EHBP1: variants seen among roughly 807,000 people sequenced by gnomAD.
The protein encoded by EHBP1 is EH domain-binding protein 1.
In EHBP1, 55 loss-of-function variants were observed where a neutral mutation model predicts 144.0. That is an observed-to-expected ratio of 0.38 (90% CI 0.31 to 0.48). The LOEUF (loss-of-function observed/expected upper bound fraction) is 0.48. Ranked by LOEUF, EHBP1 falls within the 20% of genes least tolerant of loss-of-function variation. EHBP1 has a pLI of 0.98. For missense variants in EHBP1, 1,200 were observed against 1,364.2 expected (o/e 0.88, Z 1.90); for synonymous variants, 469 against 472.7 (o/e 0.99, Z 0.10).
At chr2:62,926,437 A>T (rs1361660260) in intron 10 of EHBP1, among the ~76,000 whole-genome samples, 1 of 152,206 alleles carries the variant, frequency 6.6e-6, no homozygotes, top group Non-Finnish European at 1.5e-5. Context: ...TACTCATTCG[A>T]TGGAGGATTA....
chr2:62,705,490 C>CA (rs1354353512), upstream of EHBP1, among the ~76,000 whole-genome samples: 13 of 148,252 alleles, frequency 8.8e-5, no homozygotes, highest in Non-Finnish European at 1.3e-4. Context: ...TCGGTTCCTT[C>CA]TTTTTTTTTT....
intron 10 of EHBP1, among the ~76,000 whole-genome samples, chr2:62,918,489 A>C (rs1349549510): frequency 1.3e-5 from 2 of 152,158 alleles, no homozygotes; most frequent in African/African-American, 4.8e-5. Context: ...TCAAGGCCCC[A>C]AAAGGAAACA....
chr2:62,763,906 T>A (rs1656033954), intron 3 of EHBP1, among the ~76,000 whole-genome samples: 1 of 152,156 alleles, frequency 6.6e-6, no homozygotes, highest in African/African-American at 2.4e-5. Flanking sequence ...AAATAATTTT[T>A]AAAATATCTC....
chr2:63,021,288 T>C (rs2060738489), intron 19 of EHBP1, among the ~76,000 whole-genome samples: 1 of 152,106 alleles, frequency 6.6e-6, no homozygotes, highest in Admixed American at 6.6e-5. Flanking sequence ...GTTTAGGAAT[T>C]TGACATAAGG....
rs562001937 is a variant in EHBP1, at chr2:63,045,737, G to A, written c.*237G>A. 6.1e-4 allele frequency: 287 copies of A among 474,062 alleles called. 1 individual carries two copies. Among genetic ancestry groups the A allele is most frequent in the Middle Eastern group, 5.2e-3 (9 of 1,728 alleles). The allele number at this position is 474,062 out of a possible 1,614,324, so 29.4% of individuals were successfully genotyped here. On this transcript the variant is annotated 3_prime_UTR_variant, in exon 23 of 23. Coordinates refer to ENST00000431489, the MANE Select transcript of EHBP1 (RefSeq NM_001142616.3). This position sits in a 1 kb window ranked among gnomAD's most constrained non-coding sequence, Gnocchi z 5.7. ...GAGTTAACAATTTCCTTGAAATCCT[G>A]TGAAATAGATTTGCACAGACACCTT...
At chr2:62,913,623 T>TA (rs1487641063) in intron 10 of EHBP1, among the ~76,000 whole-genome samples, 12 of 152,214 alleles carry the variant, frequency 7.9e-5, no homozygotes. Flanking sequence ...GGGGCATGTT[T>TA]AATTAAGAAT....
chr2:62,729,819 A>C (rs1490389126), intron 2 of EHBP1, among the ~76,000 whole-genome samples: 1 of 151,674 alleles, frequency 6.6e-6, no homozygotes, highest in Non-Finnish European at 1.5e-5. Flanking sequence ...CACCAGAAAT[A>C]TATGAGAGTG....
In EHBP1 at chr2:62,713,473, T is replaced by A. The variant is rs962382502; in HGVS notation, c.104+6178T>A. ...TGGCCAGGCTGGTCTCGAACTCCTGTCCTCAAATGATCTGCCCACCTCAGC... is the reference window on the plus strand; with the variant it reads ...TGGCCAGGCTGGTCTCGAACTCCTGACCTCAAATGATCTGCCCACCTCAGC... On this transcript the variant is annotated intron_variant, in intron 2 of 22. Transcript: ENST00000431489. Among the ~76,000 whole-genome samples the A allele has an allele frequency of 7.2e-5, 11 of 152,024 alleles. No individual in the cohort carries two copies. In the South Asian group the frequency reaches 2.3e-3, roughly 32 times the overall value.
chr2:62,821,271 G>T (rs191155518), intron 5 of EHBP1, among the ~76,000 whole-genome samples: 1 of 152,064 alleles, frequency 6.6e-6, no homozygotes, highest in Admixed American at 6.6e-5. Context: ...AATAGGAGAG[G>T]CATTACATTA....
chr2:62,967,588 A>T (rs1422471074), intron 14 of EHBP1, among the ~76,000 whole-genome samples: 1 of 152,182 alleles, frequency 6.6e-6, no homozygotes, highest in East Asian at 1.9e-4. Flanking sequence ...TGTGCTTTAC[A>T]TTTTGATCAC....
At chr2:62,996,854 GC>G (rs2059649669) in intron 19 of EHBP1, 88 bp downstream of exon 19, 3 of 1,549,564 alleles carry the variant, frequency 1.9e-6, no homozygotes, top group Non-Finnish European at 2.6e-6. Context: ...AATCTTTGAA[GC>G]CTGAATGTTC....
chr2:62,753,155 A>C (rs2039919350), intron 3 of EHBP1, among the ~76,000 whole-genome samples: 1 of 152,166 alleles, frequency 6.6e-6, no homozygotes, highest in Non-Finnish European at 1.5e-5. Context: ...GTTCCTTTGT[A>C]TGTTTAGTGC....
intron 2 of EHBP1, among the ~76,000 whole-genome samples, chr2:62,741,780 A>G (rs574698239): frequency 7.3e-4 from 111 of 152,250 alleles, no homozygotes; most frequent in Non-Finnish European, 1.1e-3. Flanking sequence ...ATATTCAGGG[A>G]AAAAAACCAA....
At chr2:62,749,140 C>A (rs943463048) in intron 3 of EHBP1, among the ~76,000 whole-genome samples, 2 of 152,146 alleles carry the variant, frequency 1.3e-5, no homozygotes, top group Admixed American at 6.5e-5. Context: ...CCCCATCCCC[C>A]CACCCCACAA....
At chr2:62,849,033 C>G (rs547215587) in intron 7 of EHBP1, among the ~76,000 whole-genome samples, 2 of 152,106 alleles carry the variant, frequency 1.3e-5, no homozygotes, top group African/African-American at 4.8e-5. Flanking sequence ...CTGACTGTGT[C>G]CTAATGAATT....
chr2:62,863,837 GTTGTTTTTT>G lies in EHBP1; in HGVS notation c.758-891_758-883del, dbSNP rs1212225998. ...ATTTTTTTAAATTTTATTTTTCTGT[GTTGTTTTTT>G]TTTTTTTTTTTTTTTTTTTAAACAG... On this transcript the variant is annotated intron_variant, in intron 8 of 22. Transcript: ENST00000431489. Among the ~76,000 whole-genome samples the G allele has an allele frequency of 3.2e-4, 24 of 74,578 alleles. No homozygotes were observed. The Admixed American group carries it at 3.8e-3, about 12-fold the overall frequency. 48.9% of individuals were successfully genotyped at this position (74,578 alleles called of 152,430 possible). A position where few individuals can be genotyped will look rare whatever the true frequency, so the allele number is the denominator to read the frequency against.
chr2:62,955,520 C>G lies in EHBP1; in HGVS notation c.2320C>G (p.Arg774Gly). ...ADHSSKIVQHRLLSRQEELKE... is the reference protein window; with the variant it reads ...ADHSSKIVQHGLLSRQEELKE... ...ATTCTGTATCTTTGCTTTTAAGCAT[C>G]GATTGTTATCTAGACAAGAAGAACT... Residue 774 changes from arginine (R) to glycine (G), a missense_variant, in exon 14 of 23, where the codon CGA becomes GGA. By Grantham distance (125) the Arg-to-Gly change is moderately radical (BLOSUM62 -2). Around this residue, in one of 6 missense-constraint regions of EHBP1, gnomAD observed 543 missense variants for 513.1 expected, o/e 1.06. Transcript: ENST00000431489. 6.3e-7 allele frequency: 1 copy of G among 1,597,606 alleles called. No individual in the cohort carries two copies.
At chr2:62,871,500 A>C (rs2050481245) in intron 9 of EHBP1, among the ~76,000 whole-genome samples, 1 of 152,250 alleles carries the variant, frequency 6.6e-6, no homozygotes, top group Non-Finnish European at 1.5e-5. Flanking sequence ...GCTAATGTGC[A>C]AGTCCAGAAA....
Position 62,697,186 on chromosome 2 carries a change from TG to T in EHBP1, c.-295-9710del, listed in dbSNP as rs1302423225. ...TTGGCATGTGTTAGTTTTGCATATT[TG>T]TAGTTACAATCATGTTGCCTTATAG... On this transcript the variant is annotated intron_variant, in intron 1 of 22. Transcript: ENST00000405015. Among the ~76,000 whole-genome samples the T allele has an allele frequency of 8.5e-5, 13 of 152,374 alleles. No individual in the cohort carries two copies. In the East Asian group the frequency reaches 2.3e-3, roughly 27 times the overall value.
Sources: allele counts gnomAD v4.1 joint callset (sites outside exome capture counted in the v4.1 genomes callset), GRCh38; gene constraint gnomAD v4.1.1; regional missense constraint gnomAD v4.1.1; non-coding constraint Gnocchi (gnomAD v3.1); transcripts MANE v1.5; gene names NCBI Gene and HGNC (gene_info 2026-07-23, HGNC 2026-07-21).